CADPS2: variants seen among roughly 807,000 people sequenced by gnomAD.
The protein encoded by CADPS2 is calcium-dependent secretion activator 2.
CADPS2 carries 93 observed loss-of-function variants against 172.5 expected under a neutral mutation model. The ratio of observed to expected loss-of-function variants is 0.54; its 90% CI spans 0.46 to 0.64. The LOEUF (loss-of-function observed/expected upper bound fraction) is 0.64, where lower values mean the gene tolerates loss of function less well. CADPS2 is among the 30% of genes least tolerant of loss of function. CADPS2 has a pLI of 0.00. For synonymous variants in CADPS2, 546 were observed against 555.2 expected, an observed-to-expected ratio of 0.98 and a Z score of 0.23; for missense variants, 1,420 against 1,565.9, an observed-to-expected ratio of 0.91 and a Z score of 1.57.
At chr7:122,467,767 G>A (rs1043901102) in intron 14 of CADPS2, among the ~76,000 whole-genome samples, 6 of 152,126 alleles carry the variant, frequency 3.9e-5, no homozygotes, top group African/African-American at 1.2e-4. Context: ...AAACCAAGAC[G>A]TATAACCACA....
chr7:122,443,710 CAAAAAAAAAA>C (rs56137420), intron 15 of CADPS2, among the ~76,000 whole-genome samples: 1 of 57,846 alleles, frequency 1.7e-5, no homozygotes, highest in Non-Finnish European at 3.1e-5. Context: ...CTGCTTTCTA[CAAAAAAAAAA>C]AAAAAAAAAA....
At chr7:122,885,435 G>A (rs1824072100) in intron 1 of CADPS2, among the ~76,000 whole-genome samples, 1 of 151,718 alleles carries the variant, frequency 6.6e-6, no homozygotes, top group Non-Finnish European at 1.5e-5. Context: ...TCGGTGTTTG[G>A]ATTTGATGTC....
chr7:122,606,336 GA>G (rs1201625455), intron 6 of CADPS2, among the ~76,000 whole-genome samples: 4 of 152,128 alleles, frequency 2.6e-5, no homozygotes, highest in African/African-American at 9.7e-5. Context: ...GGTACTTACA[GA>G]ATTAGAGGGT....
At chr7:122,501,148 G>T (rs1442889288) in intron 9 of CADPS2, among the ~76,000 whole-genome samples, 1 of 152,034 alleles carries the variant, frequency 6.6e-6, no homozygotes, top group Non-Finnish European at 1.5e-5. Context: ...CCAGCTACTT[G>T]GGAGGATAAG....
rs78311517 is a variant in CADPS2, at chr7:122,332,341, C to T, written c.3613-6760G>A. On this transcript the variant is annotated intron_variant, in intron 28 of 29. Coordinates refer to ENST00000449022, the MANE Select transcript of CADPS2 (RefSeq NM_017954.11). ...AGTAAAACAATGTAATGTGGAAAGA[C>T]GATCCTTGGTTCTTCCATAGTAGAA... Among the ~76,000 whole-genome samples the T allele has an allele frequency of 1.5e-4, 23 of 150,752 alleles. 1 individual carries two copies. In the East Asian group the frequency reaches 3.7e-3, roughly 24 times the overall value.
chr7:122,512,095 GA>G (rs535468313), intron 9 of CADPS2, among the ~76,000 whole-genome samples: 134 of 148,210 alleles, frequency 9.0e-4, no homozygotes, highest in South Asian at 6.6e-3. Context: ...TTTTAGCCAG[GA>G]AAAAAAAAAT....
chr7:122,758,754 G>C (rs1450396279), intron 1 of CADPS2, among the ~76,000 whole-genome samples: 1 of 152,046 alleles, frequency 6.6e-6, no homozygotes, highest in Non-Finnish European at 1.5e-5. Context: ...AAAGTACTGG[G>C]TTCATTCACT....
At chr7:122,813,350 T>C (rs1800516535) in intron 1 of CADPS2, among the ~76,000 whole-genome samples, 1 of 152,120 alleles carries the variant, frequency 6.6e-6, no homozygotes, top group Non-Finnish European at 1.5e-5. Context: ...TAGATTTAAT[T>C]ATATGAACAA....
chr7:122,384,397 T>C (rs1300653479), intron 24 of CADPS2, among the ~76,000 whole-genome samples: 1 of 152,126 alleles, frequency 6.6e-6, no homozygotes. Flanking sequence ...AGTATATATT[T>C]TTACATGGTT....
rs150724066 is a variant in CADPS2 at position 122,869,509 on chromosome 7, T to C, written c.339+16490A>G. 3.9e-3 allele frequency among the ~76,000 whole-genome samples: 589 copies of C among 151,462 alleles called. 1 individual carries two copies. The highest frequency in any genetic ancestry group is 0.034 in the Middle Eastern group (10 of 292). On this transcript the variant is annotated intron_variant, in intron 1 of 29. Coordinates refer to ENST00000449022, the MANE Select transcript of CADPS2 (RefSeq NM_017954.11). ...CTGTCCTTCAAAAATGTAGGGGAGA[T>C]AAAACTTTCTCAGACACACAAAAGC...
intron 1 of CADPS2, among the ~76,000 whole-genome samples, chr7:122,787,410 ACT>A (rs1215358967): frequency 1.3e-5 from 2 of 152,254 alleles, no homozygotes; most frequent in East Asian, 3.9e-4. Context: ...TCTGGATGAT[ACT>A]CTCATTCTAT....
At chr7:122,616,310 T>C (rs1367222303) in intron 5 of CADPS2, among the ~76,000 whole-genome samples, 1 of 152,100 alleles carries the variant, frequency 6.6e-6, no homozygotes, top group East Asian at 1.9e-4. Flanking sequence ...AAACATAATC[T>C]GTATCAGTTA....
intron 1 of CADPS2, among the ~76,000 whole-genome samples, chr7:122,849,226 G>A (rs753252547): frequency 4.6e-5 from 7 of 152,116 alleles, no homozygotes; most frequent in Non-Finnish European, 7.4e-5. Flanking sequence ...AAAATTTTAA[G>A]CTTTGTTTAC....
chr7:122,695,423 A>C (rs2084945428), intron 2 of CADPS2, among the ~76,000 whole-genome samples: 1 of 152,248 alleles, frequency 6.6e-6, no homozygotes, highest in African/African-American at 2.4e-5. Flanking sequence ...AAAATCTATT[A>C]TAATGAATAA....
intron 19 of CADPS2, 55 bp from the exon 20 acceptor site, chr7:122,407,751 C>T (rs1336836809): frequency 2.8e-6 from 4 of 1,454,444 alleles, no homozygotes; most frequent in Non-Finnish European, 3.8e-6. Flanking sequence ...TAGAAACATG[C>T]ACAAGTACTG....
chr7:122,431,618 C>T (rs1000977077), intron 17 of CADPS2, among the ~76,000 whole-genome samples: 2 of 152,132 alleles, frequency 1.3e-5, no homozygotes, highest in Non-Finnish European at 2.9e-5. Flanking sequence ...CACTTACTAG[C>T]TATGGGACTG....
intron 2 of CADPS2, chr7:122,702,835 C>A (rs73220287): frequency 2.5e-5 from 25 of 1,006,154 alleles, no homozygotes; most frequent in Middle Eastern, 2.2e-4. Context: ...AGCTTGTTGG[C>A]GGCAGATTAC....
At chr7:122,558,725 G>C (rs1359663046) in intron 7 of CADPS2, among the ~76,000 whole-genome samples, 2 of 152,050 alleles carry the variant, frequency 1.3e-5, no homozygotes, top group Non-Finnish European at 2.9e-5. Context: ...GAGTGATATG[G>C]GGTTCAGAAG....
chr7:122,791,032 C>T (rs1363528705), intron 1 of CADPS2, among the ~76,000 whole-genome samples: 3 of 152,180 alleles, frequency 2.0e-5, no homozygotes, highest in Admixed American at 2.0e-4. Context: ...TATGCACAGG[C>T]ACATCAATTC....
Sources: allele counts gnomAD v4.1 joint callset (sites outside exome capture counted in the v4.1 genomes callset), GRCh38; gene constraint gnomAD v4.1.1; transcripts MANE v1.5; gene names NCBI Gene and HGNC (gene_info 2026-07-23, HGNC 2026-07-21).